The following AGBL1 variants were observed in gnomAD, a reference collection of about 807,000 sequenced individuals.
AGBL1 encodes the protein AGBL carboxypeptidase 1, also known as cytosolic carboxypeptidase 4.
Under a neutral mutation model 118.9 loss-of-function variants are expected in AGBL1, and 130 were observed. The observed-to-expected ratio is 1.09, with a 90% confidence interval of 0.95 to 1.26. The LOEUF (loss-of-function observed/expected upper bound fraction) is 1.26. AGBL1 is among the 50% of genes most tolerant of loss of function. The probability of loss-of-function intolerance (pLI) is 0.00; values close to 1 mark genes in which losing one functional copy is unlikely to be tolerated. For synonymous variants in AGBL1, 555 were observed against 478.9 expected, an observed-to-expected ratio of 1.16 and a Z score of -2.08; for missense variants, 1,584 against 1,298.1, an observed-to-expected ratio of 1.22 and a Z score of -3.38.
intron 21 of AGBL1, among the ~76,000 whole-genome samples, chr15:86,669,041 C>T (rs2085695218): frequency 6.6e-6 from 1 of 151,940 alleles, no homozygotes; most frequent in Non-Finnish European, 1.5e-5. Context: ...GGGAGAAAAA[C>T]AAAAGTTCCA....
At chr15:86,586,763 A>G (rs76811667) in intron 21 of AGBL1, among the ~76,000 whole-genome samples, 2,123 of 152,300 alleles carry the variant, frequency 0.014, 40 homozygotes, top group African/African-American at 0.048. Flanking sequence ...CTTATAAGTC[A>G]TAGGAAGGTT....
chr15:86,159,702 G>A (rs142335089), intron 5 of AGBL1, among the ~76,000 whole-genome samples: 3 of 152,204 alleles, frequency 2.0e-5, no homozygotes, highest in South Asian at 2.1e-4. Context: ...GTGACTCAGC[G>A]AGGACCTTGA....
intron 5 of AGBL1, among the ~76,000 whole-genome samples, chr15:86,221,944 A>G (rs1202420355): frequency 6.6e-6 from 1 of 152,152 alleles, no homozygotes; most frequent in Non-Finnish European, 1.5e-5. Flanking sequence ...TTGACTTCAC[A>G]ATGCACTATT....
At chr15:86,160,930 C>G (rs944261704) in intron 5 of AGBL1, among the ~76,000 whole-genome samples, 1 of 152,088 alleles carries the variant, frequency 6.6e-6, no homozygotes, top group Non-Finnish European at 1.5e-5. Context: ...TCATTCAGGC[C>G]AAACTTGTGG....
chr15:86,983,058 TTTTTTGTTTTG>T (rs745464303), intron 23 of AGBL1, among the ~76,000 whole-genome samples: 96 of 152,272 alleles, frequency 6.3e-4, no homozygotes, highest in Middle Eastern at 6.8e-3. Flanking sequence ...TATCACACCT[TTTTTTGTTTTG>T]TTTTTGTTTT....
intron 1 of AGBL1, among the ~76,000 whole-genome samples, chr15:86,124,601 A>G (rs1480578220): frequency 1.3e-5 from 2 of 152,270 alleles, no homozygotes; most frequent in East Asian, 3.9e-4. Context: ...CTGTTTCCTT[A>G]AGGGACTTGG....
chr15:86,964,451 C>T (rs2081029250), intron 23 of AGBL1, among the ~76,000 whole-genome samples: 2 of 151,842 alleles, frequency 1.3e-5, no homozygotes, highest in African/African-American at 4.8e-5. Flanking sequence ...GGCCAAATGT[C>T]TCCTGGGAGA....
chr15:86,923,947 C>G (rs974692447), intron 23 of AGBL1, among the ~76,000 whole-genome samples: 1 of 152,194 alleles, frequency 6.6e-6, no homozygotes, highest in African/African-American at 2.4e-5. Context: ...ATTACACCTT[C>G]CTGGAGCCAT....
intron 21 of AGBL1, among the ~76,000 whole-genome samples, chr15:86,565,614 G>A (rs1020407818): frequency 6.6e-6 from 1 of 152,236 alleles, no homozygotes; most frequent in Non-Finnish European, 1.5e-5. Flanking sequence ...TCCGTTCTCT[G>A]ATCTCAAACT....
chr15:86,876,266 A>G (rs145456598), intron 22 of AGBL1, among the ~76,000 whole-genome samples: 1 of 152,264 alleles, frequency 6.6e-6, no homozygotes, highest in East Asian at 1.9e-4. Context: ...TTGAATGGGA[A>G]GGTCACAACC....
At chr15:86,197,780 C>T (rs2077838591) in intron 5 of AGBL1, among the ~76,000 whole-genome samples, 1 of 151,902 alleles carries the variant, frequency 6.6e-6, no homozygotes, top group Non-Finnish European at 1.5e-5. Context: ...GGGCAGAAAA[C>T]AGCTTGGACT....
Position 86,589,062 on chromosome 15 carries a change from A to G in AGBL1, c.2994+34525A>G, listed in dbSNP as rs142734569. ...ACACTGTGTGCATGGACACAGAAGG[A>G]CAACAATTTTTTTTAAATATGAATA... On this transcript the variant is annotated intron_variant, in intron 21 of 22. Transcript: ENST00000614907. Among the ~76,000 whole-genome samples the G allele has an allele frequency of 9.3e-4, 141 of 152,142 alleles. 1 individual carries two copies. Among genetic ancestry groups the G allele is most frequent in the African/African-American group, 3.1e-3 (127 of 41,508 alleles).
intron 22 of AGBL1, among the ~76,000 whole-genome samples, chr15:86,759,189 G>A (rs1265289825): frequency 1.3e-5 from 2 of 151,866 alleles, no homozygotes; most frequent in East Asian, 3.9e-4. Flanking sequence ...AAATAATATG[G>A]GATTAATTTA....
At chr15:86,862,203 T>C (rs1259986545) in intron 22 of AGBL1, among the ~76,000 whole-genome samples, 1 of 152,150 alleles carries the variant, frequency 6.6e-6, no homozygotes, top group East Asian at 1.9e-4. Context: ...ATGTTACTTA[T>C]AGGTCATTGG....
intron 17 of AGBL1, among the ~76,000 whole-genome samples, chr15:86,393,285 T>C (rs1288630281): frequency 1.3e-5 from 2 of 152,204 alleles, no homozygotes; most frequent in Non-Finnish European, 2.9e-5. Flanking sequence ...TATTGATTAA[T>C]GTACTGCGTT....
intron 22 of AGBL1, among the ~76,000 whole-genome samples, chr15:86,700,228 T>C (rs2086332491): frequency 6.6e-6 from 1 of 152,046 alleles, no homozygotes; most frequent in African/African-American, 2.4e-5. Context: ...GCTCAAATTC[T>C]CCTAAATGTT....
At position 86,712,908 on chromosome 15, in the gene AGBL1, A is replaced by G. The variant is rs1310973602; in HGVS notation, c.3158+38472A>G. Among the ~76,000 whole-genome samples, 4 of 152,144 alleles carry G rather than the reference A, an allele frequency of 2.6e-5. No homozygotes were observed. In the East Asian group the frequency reaches 7.7e-4, roughly 29 times the overall value. The stretch of plus-strand genomic sequence containing the variant: ...TGGGGCTCCTGCCCTCTCCAGCCTC[A>G]TTCCATGGTTCCCTCCTCTCCTGGT... On this transcript the variant is annotated intron_variant, in intron 22 of 22. Transcript: ENST00000614907.
chr15:86,304,994 G>A (rs1402013416), intron 17 of AGBL1: 2 of 152,162 alleles, frequency 1.3e-5, no homozygotes, highest in Non-Finnish European at 2.9e-5. Context: ...TGAACCCCAT[G>A]CCTCCAAGGT....
chr15:86,784,537 T>C (rs191218520), intron 22 of AGBL1, among the ~76,000 whole-genome samples: 2 of 152,210 alleles, frequency 1.3e-5, no homozygotes, highest in Non-Finnish European at 2.9e-5. Flanking sequence ...TTCATGATTC[T>C]GCTTTCTAGG....
Sources: gnomAD v4.1 joint callset for allele counts (sites outside exome capture counted in the v4.1 genomes callset) on GRCh38, gnomAD v4.1.1 for gene constraint, MANE v1.5 for transcripts, NCBI Gene and HGNC (gene_info 2026-07-23, HGNC 2026-07-21) for gene names.